DPY30: variants seen among roughly 807,000 people sequenced by gnomAD.
The protein encoded by DPY30 is protein dpy-30 homolog.
A neutral mutation model predicts 16.2 loss-of-function variants in DPY30; 6 were observed. That is an observed-to-expected ratio of 0.37 (90% CI 0.20 to 0.73). DPY30 has a LOEUF of 0.73. Among genes scored for constraint, DPY30 ranks in the 30% least tolerant of loss-of-function variants. DPY30 has a pLI of 0.51. For missense variants in DPY30, 73 were observed against 113.1 expected, an observed-to-expected ratio of 0.65 and a Z score of 1.61; for synonymous variants, 39 against 38.8, an observed-to-expected ratio of 1.00 and a Z score of -0.02.
At chr2:32,036,151 AT>A (rs34624581) in intron 3 of DPY30, among the ~76,000 whole-genome samples, 61,980 of 148,188 alleles carry the variant, frequency 0.42, 13,004 homozygotes, top group East Asian at 0.64. Flanking sequence ...TACCCAGCTA[AT>A]TTTTTTTTTT....
At chr2:32,028,422 T>A (rs1233733522) in intron 4 of DPY30, among the ~76,000 whole-genome samples, 1 of 152,186 alleles carries the variant, frequency 6.6e-6, no homozygotes, top group Non-Finnish European at 1.5e-5. Flanking sequence ...ATTTTCTTAT[T>A]AGATTTGCTT....
intron 4 of DPY30, among the ~76,000 whole-genome samples, chr2:32,025,886 T>C (rs186079599): frequency 8.6e-4 from 130 of 151,174 alleles, no homozygotes; most frequent in African/African-American, 3.0e-3. Context: ...GGCAGGCAGA[T>C]AGCTTGAGCC....
At chr2:32,034,950 G>A (rs1179032566) in intron 3 of DPY30, among the ~76,000 whole-genome samples, 3 of 151,710 alleles carry the variant, frequency 2.0e-5, no homozygotes, top group Non-Finnish European at 2.9e-5. Context: ...ATTGACCCAA[G>A]ATCGCGCCAC....
chr2:32,016,321 ATTT>A (rs1675065343), intron 5 of DPY30, among the ~76,000 whole-genome samples: 1 of 152,034 alleles, frequency 6.6e-6, no homozygotes, highest in South Asian at 2.1e-4. Flanking sequence ...CAGAGATTTT[ATTT>A]TTTAATAAGT....
At chr2:32,019,077 A>C (rs1675116980), downstream of DPY30, among the ~76,000 whole-genome samples, 1 of 152,122 alleles carries the variant, frequency 6.6e-6, no homozygotes, top group Non-Finnish European at 1.5e-5. Flanking sequence ...GATTACCTAC[A>C]GTGACTCACT....
Position 32,024,056 on chromosome 2 carries a change from G to T in DPY30, c.*128C>A. ...AAATATGTTATCTTCTGCAATTCCA[G>T]AAATAGGTTCTGTTGTCCGGAAGGT... On this transcript the variant is annotated 3_prime_UTR_variant, in exon 5 of 5. Transcript: ENST00000342166. The T allele has an allele frequency of 6.7e-7, 1 of 1,500,608 alleles. No individual in the cohort carries two copies. Among genetic ancestry groups the T allele is most frequent in the Non-Finnish European group, 8.8e-7 (1 of 1,132,762 alleles). 93.0% of individuals were successfully genotyped at this position (1,500,608 alleles called of 1,614,324 possible).
At position 32,037,459 on chromosome 2, in the gene DPY30, T is replaced by C. The variant is rs141171245; in HGVS notation, c.84+1820A>G. Among the ~76,000 whole-genome samples the C allele has an allele frequency of 1.3e-3, 191 of 152,112 alleles. 3 individuals are homozygous for C. The East Asian group carries it at 0.035, about 28-fold the overall frequency. ...AGCTGGGGACTGTAGGCACGTACCG[T>C]CACACCCAGCTAATTTTTCTATTTT... On this transcript the variant is annotated intron_variant, in intron 3 of 4. Coordinates refer to ENST00000342166, the MANE Select transcript of DPY30 (RefSeq NM_001321209.2).
At position 32,029,683 on chromosome 2, in the gene DPY30, T is replaced by C. The variant is rs770056553; in HGVS notation, c.138A>G (p.Val46=). ...CACGAGTTGGCAAAGACTGGAGATC[T>C]ACCTTCTGCTTTGATGACTTTTCTG... The part of the protein sequence containing the change: ...INAEKSSKQK[V]DLQSLPTRAY... The change falls in exon 4 of 5, where the codon GTA becomes GTG. Residue 46 remains valine (V), a synonymous_variant. Coordinates refer to ENST00000342166, the MANE Select transcript of DPY30 (RefSeq NM_001321209.2). The C allele has an allele frequency of 1.2e-6, 2 of 1,614,160 alleles. No individual in the cohort carries two copies. The highest frequency in any genetic ancestry group is 1.3e-5 in the African/African-American group (1 of 75,066).
chr2:32,034,255 C>G (rs1675654249), intron 3 of DPY30, among the ~76,000 whole-genome samples: 1 of 152,066 alleles, frequency 6.6e-6, no homozygotes, highest in African/African-American at 2.4e-5. Context: ...AAAGAAATAC[C>G]TGAGGGTGGG....
chr2:32,026,048 A>G (rs554396169), intron 4 of DPY30, among the ~76,000 whole-genome samples: 1 of 152,214 alleles, frequency 6.6e-6, no homozygotes, highest in African/African-American at 2.4e-5. Context: ...TCGAGGCTTC[A>G]GTAAGCCATG....
At chr2:32,030,917 TTAAA>T (rs1675515291) in intron 3 of DPY30, among the ~76,000 whole-genome samples, 1 of 152,104 alleles carries the variant, frequency 6.6e-6, no homozygotes, top group Non-Finnish European at 1.5e-5. Context: ...AATGTCACAC[TTAAA>T]TGAATGAAGT....
downstream of DPY30, among the ~76,000 whole-genome samples, chr2:32,019,216 C>G (rs1572987754): frequency 6.6e-6 from 1 of 152,148 alleles, no homozygotes; most frequent in Non-Finnish European, 1.5e-5. Context: ...CCTCAGCCTT[C>G]TGAGCAGCTG....
In DPY30 at chr2:32,013,781, G is replaced by A. The variant is rs184714630; in HGVS notation, n.378-1729C>T. 9.9e-3 allele frequency among the ~76,000 whole-genome samples: 1,504 copies of A among 151,646 alleles called. 14 individuals are homozygous for A. The highest frequency in any genetic ancestry group is 0.015 in the Non-Finnish European group (1,001 of 67,816). On this transcript the variant is annotated intron_variant and non_coding_transcript_variant, in intron 5 of 5. Transcript: ENST00000414013. ...TCCCAGCACTTTGGGAGGCCAAGGC[G>A]GGCGGATCACGTGGCCAAGAGTTTG...
chr2:32,022,351 G>A (rs1675204446), downstream of DPY30, among the ~76,000 whole-genome samples: 1 of 151,808 alleles, frequency 6.6e-6, no homozygotes, highest in Non-Finnish European at 1.5e-5. Context: ...TATATAAGAA[G>A]ATCCCAGTAT....
At chr2:32,031,415 CA>C (rs1372015025) in intron 3 of DPY30, among the ~76,000 whole-genome samples, 54 of 133,008 alleles carry the variant, frequency 4.1e-4, no homozygotes, top group Admixed American at 5.3e-4. Flanking sequence ...GACTCCGTCT[CA>C]AAAAAAAAAA....
downstream of DPY30, among the ~76,000 whole-genome samples, chr2:32,019,820 CAAAA>C (rs1169379455): frequency 0.023 from 1,985 of 86,594 alleles, 37 homozygotes; most frequent in African/African-American, 0.059. Context: ...AACTCCGTCT[CAAAA>C]AAAAAAAAAA....
intron 4 of DPY30, among the ~76,000 whole-genome samples, chr2:32,026,030 C>T (rs1484673997): frequency 6.6e-6 from 1 of 152,004 alleles, no homozygotes; most frequent in East Asian, 1.9e-4. Context: ...TCACTTGAGC[C>T]TGGGAGTTCG....
chr2:32,033,744 C>T (rs1675630879), intron 3 of DPY30, among the ~76,000 whole-genome samples: 1 of 152,240 alleles, frequency 6.6e-6, no homozygotes, highest in Non-Finnish European at 1.5e-5. Flanking sequence ...TAACCAAATC[C>T]TCCCATTTAT....
At chr2:32,038,446 G>T (rs1056124810) in intron 3 of DPY30, among the ~76,000 whole-genome samples, 2 of 147,584 alleles carry the variant, frequency 1.4e-5, no homozygotes, top group Admixed American at 6.8e-5. Context: ...TAGGGACAGG[G>T]TCACATGCTG....
Sources: gnomAD v4.1 joint callset for allele counts (sites outside exome capture counted in the v4.1 genomes callset) on GRCh38, gnomAD v4.1.1 for gene constraint, MANE v1.5 for transcripts, NCBI Gene and HGNC (gene_info 2026-07-23, HGNC 2026-07-21) for gene names.